The following TRIP11 variants were observed in gnomAD, a reference collection of about 807,000 sequenced individuals.
The protein encoded by TRIP11 is thyroid receptor-interacting protein 11.
TRIP11 carries 148 observed loss-of-function variants against 223.1 expected under a neutral mutation model. The observed-to-expected ratio is 0.66, with a 90% confidence interval of 0.58 to 0.76. The LOEUF (loss-of-function observed/expected upper bound fraction) is 0.76, where lower values mean the gene tolerates loss of function less well. Ranked by LOEUF, TRIP11 falls within the 30% of genes least tolerant of loss-of-function variation. TRIP11 has a pLI of 0.00. For missense variants in TRIP11, 2,043 were observed against 2,222.0 expected (o/e 0.92, Z 1.62); for synonymous variants, 762 against 772.6 (o/e 0.99, Z 0.23).
At chr14:91,970,858 T>C (rs932504952) in intron 20 of TRIP11, among the ~76,000 whole-genome samples, 1 of 152,216 alleles carries the variant, frequency 6.6e-6, no homozygotes, top group African/African-American at 2.4e-5. Context: ...AGGCAAACTC[T>C]TTACTTACCC....
Position 92,003,379 on chromosome 14 carries a change from A to AC in TRIP11, c.4557+39dup, listed in dbSNP as rs894631049. On this transcript the variant is annotated intron_variant, in intron 11 of 20. Transcript: ENST00000267622. ...AATAACATTAAAAAAAGTCTCCTCC[A>AC]CCCCCAACTTCCTTCTACAATACTC... 4 of 1,608,790 alleles carry AC rather than the reference A, an allele frequency of 2.5e-6. No individual in the cohort carries two copies. The African/African-American group carries it at 5.3e-5, about 22-fold the overall frequency.
chr14:92,026,325 GA>G (rs1225511057), intron 2 of TRIP11, among the ~76,000 whole-genome samples: 1 of 152,064 alleles, frequency 6.6e-6, no homozygotes, highest in African/African-American at 2.4e-5. Context: ...TGAAAAACAT[GA>G]AAAAAATTAC....
rs1022810314 is a variant in TRIP11, at chr14:91,990,467, T to C, written c.5161-2084A>G. On this transcript the variant is annotated intron_variant, in intron 15 of 20. Transcript: ENST00000267622. ...ATTTTGTTCTTCTTTTAAATGTATA[T>C]TACACTTTAAATTTTAAAAAATAAA... Among the ~76,000 whole-genome samples, 8 of 152,320 alleles carry C rather than the reference T, an allele frequency of 5.3e-5. 1 individual carries two copies. Among genetic ancestry groups the C allele is most frequent in the African/African-American group, 1.2e-4 (5 of 41,586 alleles).
chr14:92,010,477 C>A (rs191385415), intron 9 of TRIP11, among the ~76,000 whole-genome samples: 32 of 152,128 alleles, frequency 2.1e-4, no homozygotes, highest in Admixed American at 1.8e-3. Context: ...TTGCGGTGAC[C>A]CGAGATTGCG....
intron 9 of TRIP11, among the ~76,000 whole-genome samples, chr14:92,010,558 T>C (rs776063383): frequency 2.6e-5 from 4 of 152,018 alleles, no homozygotes; most frequent in African/African-American, 4.8e-5. Context: ...AACTTCTTTC[T>C]ACCACTGAAA....
intron 15 of TRIP11, among the ~76,000 whole-genome samples, chr14:91,988,757 T>C (rs1456130838): frequency 3.3e-5 from 5 of 152,212 alleles, no homozygotes; most frequent in Admixed American, 2.6e-4. Context: ...TGATGTTGAT[T>C]ATGACTTTGT....
Position 92,021,759 on chromosome 14 carries a change from G to A in TRIP11, c.385C>T (p.Gln129Ter). Reference protein sequence around the residue: ...DQLLKLQSAAQSVPSGAGVPA... With the variant: ...DQLLKLQSAA ...ACACCAGCTCCTGAAGGTACTGACT[G>A]AGCAGCTGACTGCAGTTTCAGCAAC... Residue 129 changes from glutamine to a stop codon, truncating the protein, a stop_gained, in exon 4 of 21, where the codon CAG becomes TAG. Transcript: ENST00000267622. LOFTEE classifies it high-confidence loss of function. 6.2e-7 allele frequency: 1 copy of A among 1,614,174 alleles called. No homozygotes were observed. Among genetic ancestry groups the A allele is most frequent in the Non-Finnish European group, 8.5e-7 (1 of 1,180,024 alleles).
chr14:92,021,411 A>T, intron 4 of TRIP11, 145 bp downstream of exon 4: 1 of 782,274 alleles, frequency 1.3e-6, no homozygotes, highest in Admixed American at 2.9e-5. Context: ...AAAAAGAAAG[A>T]AAGTCACTGA....
rs1253754801 is a variant in TRIP11, at chr14:91,988,456, T to TAA, written c.5161-74_5161-73insTT. On this transcript the variant is annotated intron_variant, in intron 15 of 20. Transcript: ENST00000267622. ...CAAACTATAAGGCTGAGAGACATCTTAGAGTCAACCTCTACATTTCAGCTG... is the reference window on the plus strand; with the variant it reads ...CAAACTATAAGGCTGAGAGACATCTTAAAGAGTCAACCTCTACATTTCAGCTG... The TAA allele has an allele frequency of 3.8e-6, 5 of 1,316,840 alleles. No homozygotes were observed. The Admixed American group carries it at 9.2e-5, about 24-fold the overall frequency. The allele number at this position is 1,316,840 out of a possible 1,614,324, so 81.6% of individuals were successfully genotyped here. A position where few individuals can be genotyped will look rare whatever the true frequency, so the allele number is the denominator to read the frequency against.
At chr14:92,001,491 T>C (rs531614894) in intron 11 of TRIP11, among the ~76,000 whole-genome samples, 24 of 152,226 alleles carry the variant, frequency 1.6e-4, no homozygotes, top group African/African-American at 5.3e-4. Context: ...TTACTCATTA[T>C]ATTCAAGATA....
Position 92,003,774 on chromosome 14 carries a change from TTC to T in TRIP11, c.4200_4201del (p.Lys1401ThrfsTer9). ...AAGTAACTTTTGCAAAACATCTTGT[TTC>T]TCCTTTAGCTGCTTGATTTCTGAAT... is the stretch of plus-strand genomic sequence containing the variant. On this transcript the variant is annotated frameshift_variant, in exon 11 of 21. Transcript: ENST00000267622. LOFTEE classifies it high-confidence loss of function. 6.2e-7 allele frequency: 1 copy of T among 1,614,208 alleles called. No homozygotes were observed. Among genetic ancestry groups the T allele is most frequent in the Non-Finnish European group, 8.5e-7 (1 of 1,180,034 alleles).
At chr14:92,009,517 C>T (rs888388130) in intron 9 of TRIP11, among the ~76,000 whole-genome samples, 7 of 152,040 alleles carry the variant, frequency 4.6e-5, no homozygotes, top group South Asian at 2.1e-4. Context: ...AAACTACAAA[C>T]GACTAGGTCA....
In TRIP11 at chr14:91,972,935, G is replaced by C. The variant is rs935511374; in HGVS notation, c.5575-74C>G. ...TCACTACAACTAAGGAAATGTACCAGCTTTTCTAATTAAATATTAAAAATT... is the reference window on the plus strand; with the variant it reads ...TCACTACAACTAAGGAAATGTACCACCTTTTCTAATTAAATATTAAAAATT... On this transcript the variant is annotated intron_variant, in intron 19 of 20. Coordinates refer to ENST00000267622, the MANE Select transcript of TRIP11 (RefSeq NM_004239.4). The C allele has an allele frequency of 1.6e-5, 20 of 1,217,254 alleles. No homozygotes were observed. The African/African-American group carries it at 2.2e-4, about 13-fold the overall frequency. The allele number at this position is 1,217,254 out of a possible 1,614,324, so 75.4% of individuals were successfully genotyped here.
chr14:92,014,641 T>C (rs1406111913), intron 6 of TRIP11, 64 bp from the exon 7 acceptor site: 10 of 1,526,898 alleles, frequency 6.5e-6, no homozygotes, highest in East Asian at 4.6e-5. Flanking sequence ...CGGTTTGCTA[T>C]ATACAACTAA....
chr14:92,024,794 G>A (rs948828433), intron 3 of TRIP11, among the ~76,000 whole-genome samples: 2 of 152,154 alleles, frequency 1.3e-5, no homozygotes, highest in African/African-American at 4.8e-5. Flanking sequence ...TGAGGACACA[G>A]ACTGTATTTT....
Position 91,967,154 on chromosome 14 carries a change from T to TTC in TRIP11, c.*2518_*2519insGA, listed in dbSNP as rs2056350030. 1 of 172,480 alleles carries TTC rather than the reference T, an allele frequency of 5.8e-6. No individual in the cohort carries two copies. The highest frequency in any genetic ancestry group is 2.6e-5 in the African/African-American group (1 of 38,260). The allele number at this position is 172,480 out of a possible 1,614,324, so 10.7% of individuals were successfully genotyped here. ...CTATAGCTTTTTTTTTTTTTTTTTT[T>TTC]TTTTTGAGACAGAGTCTCGCTCTGT... On this transcript the variant is annotated 3_prime_UTR_variant, in exon 21 of 21. Coordinates refer to ENST00000267622, the MANE Select transcript of TRIP11 (RefSeq NM_004239.4).
rs200967942 is a variant in TRIP11, at chr14:92,011,483, C to CA, written c.1227+271dup. ...TGGGTGACAGAGCAAGACTCCGTCT[C>CA]AAAAAAAAAAAAAAAAAAAAAAAAA... On this transcript the variant is annotated intron_variant, in intron 8 of 20. Transcript: ENST00000267622. 0.34 allele frequency among the ~76,000 whole-genome samples: 14,433 copies of CA among 42,370 alleles called. 4,251 individuals carry two copies. Among genetic ancestry groups the CA allele is most frequent in the Non-Finnish European group, 0.42 (9,414 of 22,580 alleles). The allele number at this position is 42,370 out of a possible 152,430, so 27.8% of individuals were successfully genotyped here. A position where few individuals can be genotyped will look rare whatever the true frequency, so the allele number is the denominator to read the frequency against.
At chr14:92,029,625 T>C (rs1201291473) in intron 2 of TRIP11, among the ~76,000 whole-genome samples, 1 of 149,756 alleles carries the variant, frequency 6.7e-6, no homozygotes, top group Non-Finnish European at 1.5e-5. Context: ...ATATCATCTT[T>C]TTAAAAGAAA....
At chr14:92,001,796 C>T (rs757919479) in intron 11 of TRIP11, among the ~76,000 whole-genome samples, 8 of 152,168 alleles carry the variant, frequency 5.3e-5, no homozygotes, top group Non-Finnish European at 1.2e-4. Flanking sequence ...CCAATTTGGG[C>T]TAGTGAACAA....
Sources: gnomAD v4.1 joint callset for allele counts (sites outside exome capture counted in the v4.1 genomes callset) on GRCh38, gnomAD v4.1.1 for gene constraint, MANE v1.5 for transcripts, NCBI Gene and HGNC (gene_info 2026-07-23, HGNC 2026-07-21) for gene names.